NPAS3: variants seen among roughly 807,000 people sequenced by gnomAD.
NPAS3 encodes the protein neuronal PAS domain-containing protein 3.
In NPAS3, 14 loss-of-function variants were observed where a neutral mutation model predicts 73.1. The observed-to-expected ratio is 0.19, with a 90% CI of 0.13 to 0.30. The LOEUF (loss-of-function observed/expected upper bound fraction) is 0.30. Ranked by LOEUF, NPAS3 falls within the 10% of genes least tolerant of loss-of-function variation. The probability of loss-of-function intolerance (pLI) is 1.00; values close to 1 mark genes in which losing one functional copy is unlikely to be tolerated. For synonymous variants in NPAS3, 620 were observed against 541.5 expected, an observed-to-expected ratio of 1.14 and a Z score of -2.01; for missense variants, 1,096 against 1,250.0, an observed-to-expected ratio of 0.88 and a Z score of 1.86.
At chr14:33,013,271 A>T (rs963577483) in intron 1 of NPAS3, among the ~76,000 whole-genome samples, 10 of 152,176 alleles carry the variant, frequency 6.6e-5, no homozygotes, top group Non-Finnish European at 1.5e-4. Flanking sequence ...CTATTTCTCC[A>T]GTTATTAAAA....
intron 6 of NPAS3, among the ~76,000 whole-genome samples, chr14:33,716,514 C>A (rs1269026652): frequency 1.3e-5 from 2 of 152,092 alleles, no homozygotes; most frequent in Non-Finnish European, 2.9e-5. Context: ...TTTAAACATA[C>A]ATTTCAGTGG....
At chr14:33,304,438 T>G (rs1159479009) in intron 3 of NPAS3, among the ~76,000 whole-genome samples, 1 of 151,956 alleles carries the variant, frequency 6.6e-6, no homozygotes, top group African/African-American at 2.4e-5. Flanking sequence ...TTAGTGTCTA[T>G]CAAACATGGC....
chr14:33,530,088 C>G (rs907172992), intron 4 of NPAS3, among the ~76,000 whole-genome samples: 1 of 151,902 alleles, frequency 6.6e-6, no homozygotes, highest in Non-Finnish European at 1.5e-5. Context: ...TTTTTGTCAC[C>G]GCTCACCAAA....
At chr14:33,348,109 C>G (rs1374874759) in intron 3 of NPAS3, among the ~76,000 whole-genome samples, 1 of 152,104 alleles carries the variant, frequency 6.6e-6, no homozygotes, top group Non-Finnish European at 1.5e-5. Context: ...TTGAATTCAC[C>G]TAACAACCCT....
intron 2 of NPAS3, among the ~76,000 whole-genome samples, chr14:33,160,146 G>A (rs909419628): frequency 6.6e-6 from 1 of 152,068 alleles, no homozygotes; most frequent in Non-Finnish European, 1.5e-5. Context: ...AAAATGTCAT[G>A]TATGAGACAT....
At chr14:33,374,350 C>T (rs1048822336) in intron 4 of NPAS3, among the ~76,000 whole-genome samples, 4 of 152,056 alleles carry the variant, frequency 2.6e-5, no homozygotes, top group Non-Finnish European at 5.9e-5. Context: ...TTCTACGTTT[C>T]TTCTGTTAAT....
At position 33,365,011 on chromosome 14, in the gene NPAS3, G is replaced by T. The variant is rs185159180; in HGVS notation, c.386-2175G>T. Among the ~76,000 whole-genome samples, 594 of 149,364 alleles carry T rather than the reference G, an allele frequency of 4.0e-3. 5 individuals are homozygous for T. Among genetic ancestry groups the T allele is most frequent in the African/African-American group, 0.014 (566 of 40,722 alleles). On this transcript the variant is annotated intron_variant, in intron 3 of 11. Coordinates refer to ENST00000356141, the Ensembl canonical transcript of NPAS3. ...GTCCTTTTTTCTTTTTTTGGGGGAG[G>T]GGGGAGGGGACGTGCAGTGATTTAT...
intron 1 of NPAS3, among the ~76,000 whole-genome samples, chr14:32,975,871 G>GTT (rs1483213150): frequency 9.5e-6 from 1 of 104,966 alleles, no homozygotes; most frequent in African/African-American, 2.9e-5. Flanking sequence ...GTGTGTGTGT[G>GTT]TGTGTGTGTG....
chr14:33,477,137 G>T (rs2051076140), intron 4 of NPAS3, among the ~76,000 whole-genome samples: 2 of 151,974 alleles, frequency 1.3e-5, no homozygotes, highest in African/African-American at 4.8e-5. Flanking sequence ...TTGCCTTCTG[G>T]ATTTAATAAT....
At chr14:33,680,629 C>A (rs1238480279) in intron 6 of NPAS3, 1 of 702,762 alleles carries the variant, frequency 1.4e-6, no homozygotes, top group Non-Finnish European at 2.6e-6. Flanking sequence ...AGCGAGTGAT[C>A]AGTTTCTTCT....
intron 3 of NPAS3, among the ~76,000 whole-genome samples, chr14:33,255,335 G>A (rs913471646): frequency 2.0e-5 from 3 of 152,124 alleles, no homozygotes. Flanking sequence ...GTCAGCATCT[G>A]TAAAACTATT....
At chr14:33,076,256 T>A (rs145783047) in intron 2 of NPAS3, among the ~76,000 whole-genome samples, 18 of 152,220 alleles carry the variant, frequency 1.2e-4, no homozygotes, top group African/African-American at 4.1e-4. Flanking sequence ...CATGGGAAAT[T>A]CTGTGTAAGG....
At chr14:33,289,134 T>G (rs2140100331) in intron 3 of NPAS3, among the ~76,000 whole-genome samples, 1 of 152,322 alleles carries the variant, frequency 6.6e-6, no homozygotes, top group South Asian at 2.1e-4. Flanking sequence ...ATTAGTGTAC[T>G]TAATCCTTAT....
intron 2 of NPAS3, among the ~76,000 whole-genome samples, chr14:33,089,914 G>GCTTCA (rs1287050104): frequency 6.6e-6 from 1 of 152,126 alleles, no homozygotes; most frequent in Admixed American, 6.6e-5. Flanking sequence ...CATAAGTGAA[G>GCTTCA]GAGAAATAAA....
chr14:33,187,635 A>G (rs2046027120), intron 2 of NPAS3, among the ~76,000 whole-genome samples: 1 of 152,324 alleles, frequency 6.6e-6, no homozygotes, highest in South Asian at 2.1e-4. Context: ...GTTTGAGACT[A>G]TAGTGTGCAG....
intron 1 of NPAS3, among the ~76,000 whole-genome samples, chr14:32,975,892 T>A (rs140781943): frequency 2.0e-3 from 236 of 120,918 alleles, no homozygotes; most frequent in African/African-American, 5.0e-3. Context: ...TGTGTGTGTG[T>A]GTGTGAGAGA....
intron 6 of NPAS3, among the ~76,000 whole-genome samples, chr14:33,704,914 G>T (rs2060616205): frequency 6.6e-6 from 1 of 152,184 alleles, no homozygotes; most frequent in South Asian, 2.1e-4. Flanking sequence ...GGGTGGCATT[G>T]CTATGCACCC....
At chr14:32,939,304 A>T (rs1241458786), upstream of NPAS3, 3 of 737,196 alleles carry the variant, frequency 4.1e-6, no homozygotes, top group South Asian at 4.2e-5. Flanking sequence ...AGAGGAAAAA[A>T]AATAGCAGGA....
chr14:33,688,280 C>T lies in NPAS3; in HGVS notation c.733+11895C>T, dbSNP rs139861751. The stretch of plus-strand genomic sequence containing the variant: ...GAAAAAACTTGGTAGCACGTGTTCT[C>T]ACTGGAAATTGACAATGAATGTTAG... On this transcript the variant is annotated intron_variant, in intron 6 of 11. Coordinates refer to ENST00000356141, the Ensembl canonical transcript of NPAS3. 7.9e-5 allele frequency among the ~76,000 whole-genome samples: 12 copies of T among 152,304 alleles called. No homozygotes were observed. The East Asian group carries it at 1.9e-3, about 25-fold the overall frequency.
Sources: gnomAD v4.1 joint callset for allele counts (sites outside exome capture counted in the v4.1 genomes callset) on GRCh38, gnomAD v4.1.1 for gene constraint, MANE v1.5 for transcripts, NCBI Gene and HGNC (gene_info 2026-07-23, HGNC 2026-07-21) for gene names.